The following WDFY4 variants were observed in gnomAD, a reference collection of about 807,000 sequenced individuals.
WDFY4 encodes WDFY family member 4, also known as WD repeat- and FYVE domain-containing protein 4.
WDFY4 carries 169 observed loss-of-function variants against 351.9 expected under a neutral mutation model. That is an observed-to-expected ratio of 0.48 (90% CI 0.42 to 0.55). The LOEUF (loss-of-function observed/expected upper bound fraction) is 0.55, where lower values mean the gene tolerates loss of function less well. Ranked by LOEUF, WDFY4 falls within the 20% of genes least tolerant of loss-of-function variation. The probability of loss-of-function intolerance (pLI) is 0.00; values close to 1 mark genes in which losing one functional copy is unlikely to be tolerated. For synonymous variants in WDFY4, 1,622 were observed against 1,574.6 expected (o/e 1.03, Z -0.71); for missense variants, 3,803 against 3,935.6 (o/e 0.97, Z 0.90).
At chr10:48,722,201 T>G (rs1384273155) in intron 4 of WDFY4, among the ~76,000 whole-genome samples, 1 of 152,158 alleles carries the variant, frequency 6.6e-6, no homozygotes, top group African/African-American at 2.4e-5. Context: ...GGAAGTTAAC[T>G]GAAGGGAGGA....
chr10:48,943,004 C>T (rs1332519299), intron 48 of WDFY4, among the ~76,000 whole-genome samples: 1 of 152,208 alleles, frequency 6.6e-6, no homozygotes, highest in Non-Finnish European at 1.5e-5. Context: ...TCACCCACAG[C>T]ATTTGTGCTA....
intron 11 of WDFY4, among the ~76,000 whole-genome samples, chr10:48,742,337 C>T (rs532813813): frequency 1.2e-4 from 18 of 152,344 alleles, no homozygotes; most frequent in Admixed American, 8.5e-4. Context: ...ACTCTTTTCA[C>T]ACCACATTTT....
At chr10:48,733,381 C>A (rs2064535266) in intron 9 of WDFY4, among the ~76,000 whole-genome samples, 1 of 152,122 alleles carries the variant, frequency 6.6e-6, no homozygotes, top group African/African-American at 2.4e-5. Context: ...CATGGGGATT[C>A]AAGGTGAATA....
At chr10:48,805,536 T>C in intron 26 of WDFY4, 115 bp downstream of exon 26, 2 of 1,384,882 alleles carry the variant, frequency 1.4e-6, no homozygotes, top group Non-Finnish European at 1.9e-6. Flanking sequence ...TGGAACCTTC[T>C]AGGAATTTTT....
intron 6 of WDFY4, among the ~76,000 whole-genome samples, chr10:48,726,421 A>G (rs2064270139): frequency 6.6e-6 from 1 of 152,218 alleles, no homozygotes; most frequent in South Asian, 2.1e-4. Context: ...CCATTTTAGA[A>G]TGGGGAAAAT....
chr10:48,934,904 C>T (rs756701387), intron 47 of WDFY4, among the ~76,000 whole-genome samples: 4 of 152,328 alleles, frequency 2.6e-5, no homozygotes, highest in Non-Finnish European at 2.9e-5. Flanking sequence ...CACCTGCCTT[C>T]CCAGGCTCGC....
chr10:48,868,061 G>A (rs1483020976), intron 40 of WDFY4, among the ~76,000 whole-genome samples: 1 of 152,176 alleles, frequency 6.6e-6, no homozygotes, highest in East Asian at 1.9e-4. Context: ...GGGGTATAAG[G>A]AGCCATTAGT....
intron 47 of WDFY4, chr10:48,913,648 T>A: frequency 1.2e-6 from 2 of 1,613,976 alleles, no homozygotes; most frequent in Non-Finnish European, 1.7e-6. Flanking sequence ...TTGAGCTTTT[T>A]CAGCTTGGGG....
intron 44 of WDFY4, 29 bp from the exon 45 acceptor site, chr10:48,897,425 T>C: frequency 6.5e-7 from 1 of 1,547,112 alleles, no homozygotes; most frequent in Non-Finnish European, 8.7e-7. Flanking sequence ...TGTCTGAACA[T>C]GTGCCCTGCA....
At chr10:48,804,900 ACTC>A in intron 25 of WDFY4, 2 of 506,248 alleles carry the variant, frequency 4.0e-6, no homozygotes, top group Non-Finnish European at 5.1e-6. Context: ...AGGGCCCTGC[ACTC>A]CTGGCTGGTG....
intron 59 of WDFY4, among the ~76,000 whole-genome samples, chr10:48,977,631 C>G (rs917558387): frequency 2.6e-5 from 4 of 152,242 alleles, no homozygotes; most frequent in South Asian, 2.1e-4. Flanking sequence ...GCCAGAGGAG[C>G]CTGGGGTGGC....
At chr10:48,760,464 T>A (rs900858548) in intron 13 of WDFY4, 24 bp downstream of exon 13, 1 of 1,548,146 alleles carries the variant, frequency 6.5e-7, no homozygotes, top group Non-Finnish European at 8.7e-7. Context: ...AATATGTGTG[T>A]TTTGTCATCT....
At position 48,838,158 on chromosome 10, in the gene WDFY4, T is replaced by TA. The variant is rs555529456; in HGVS notation, c.6663+5456dup. On this transcript the variant is annotated intron_variant, in intron 39 of 61. Coordinates refer to ENST00000325239, the MANE Select transcript of WDFY4 (RefSeq NM_001394531.1). The stretch of plus-strand genomic sequence containing the variant: ...CGTGAGGATGATCCGCTGGAATTGC[T>TA]AAAAAAAGCAAAAGCTTTCTGTAGG... Among the ~76,000 whole-genome samples the TA allele has an allele frequency of 1.4e-4, 21 of 152,182 alleles. No homozygotes were observed. The East Asian group carries it at 2.7e-3, about 20-fold the overall frequency.
chr10:48,733,914 C>A lies in WDFY4; in HGVS notation c.1583-17C>A. 6.5e-7 allele frequency: 1 copy of A among 1,550,380 alleles called. No homozygotes were observed. Among genetic ancestry groups the A allele is most frequent in the East Asian group, 2.4e-5 (1 of 40,900 alleles). On this transcript the variant is annotated splice_polypyrimidine_tract_variant and intron_variant, in intron 9 of 61. Transcript: ENST00000325239. ...ATGTACTTAATTTATTTTGTTATTT[C>A]TTCTTCAATATGGCAGGAAACAAAG...
At chr10:48,721,103 G>T (rs547839955) in intron 3 of WDFY4, among the ~76,000 whole-genome samples, 158 bp from the exon 4 acceptor site, 4 of 152,252 alleles carry the variant, frequency 2.6e-5, no homozygotes, top group African/African-American at 9.6e-5. Context: ...GGTGTGGAGC[G>T]TTTGGTAGAG....
intron 12 of WDFY4, 42 bp from the exon 13 acceptor site, chr10:48,760,305 G>C: frequency 6.6e-7 from 1 of 1,522,356 alleles, no homozygotes. Flanking sequence ...GAAAGAAACT[G>C]GAAGGTCCGT....
chr10:48,870,361 C>T (rs144692264), intron 40 of WDFY4, among the ~76,000 whole-genome samples: 1 of 151,950 alleles, frequency 6.6e-6, no homozygotes, highest in Non-Finnish European at 1.5e-5. Context: ...CATTGCGAGA[C>T]CCCAACTCAA....
At chr10:48,927,458 C>T (rs1032420924) in intron 47 of WDFY4, among the ~76,000 whole-genome samples, 6 of 152,158 alleles carry the variant, frequency 3.9e-5, no homozygotes, top group African/African-American at 1.4e-4. Context: ...GCGTTCTTCC[C>T]ATTACGTCAA....
rs995839512 is a variant in WDFY4, at chr10:48,777,618, G to T, written c.3175+123G>T. The T allele has an allele frequency of 4.1e-6, 4 of 969,350 alleles. No individual in the cohort carries two copies. In the African/African-American group the frequency reaches 6.5e-5, roughly 16 times the overall value. 60.0% of individuals were successfully genotyped at this position (969,350 alleles called of 1,614,324 possible). On this transcript the variant is annotated intron_variant, in intron 17 of 61. Transcript: ENST00000325239. Reference sequence around the variant, plus strand: ...AGTGTGAGCTGTGCTGGGCATGGTGGCTCACACCTGTAATACTGCAATTTG... The same window carrying T: ...AGTGTGAGCTGTGCTGGGCATGGTGTCTCACACCTGTAATACTGCAATTTG...
Sources: allele counts gnomAD v4.1 joint callset (sites outside exome capture counted in the v4.1 genomes callset), GRCh38; gene constraint gnomAD v4.1.1; transcripts MANE v1.5; gene names NCBI Gene and HGNC (gene_info 2026-07-23, HGNC 2026-07-21).